Variants in SH3BP4 observed in about 807,000 individuals in gnomAD.
SH3BP4 encodes the protein SH3 domain-binding protein 4.
In SH3BP4, 33 loss-of-function variants were observed where a neutral mutation model predicts 65.5. That is an observed-to-expected ratio of 0.50 (90% CI 0.38 to 0.67). The LOEUF (loss-of-function observed/expected upper bound fraction) is 0.67. Ranked by LOEUF, SH3BP4 falls within the 30% of genes least tolerant of loss-of-function variation. The pLI is 0.00. For missense variants in SH3BP4, 1,134 were observed against 1,261.4 expected (o/e 0.90, Z 1.53); for synonymous variants, 552 against 545.5 (o/e 1.01, Z -0.17).
At chr2:235,019,873 TAAAAAAA>T (rs199714068) in intron 2 of SH3BP4, among the ~76,000 whole-genome samples, 8 of 112,602 alleles carry the variant, frequency 7.1e-5, no homozygotes, top group Admixed American at 4.7e-4. Context: ...TAAAGATTCT[TAAAAAAA>T]AAAAAAAAAA....
intron 2 of SH3BP4, 147 bp downstream of exon 2, chr2:234,995,523 G>A (rs1476595895): frequency 6.6e-6 from 1 of 152,372 alleles, no homozygotes; most frequent in Non-Finnish European, 1.5e-5. Flanking sequence ...GAAGCTTCTG[G>A]TGACACTTGA....
chr2:234,996,031 C>T (rs1015969093), intron 2 of SH3BP4: 5 of 152,220 alleles, frequency 3.3e-5, no homozygotes, highest in Non-Finnish European at 7.3e-5. Flanking sequence ...CTTTTATACT[C>T]CTGGTTGGCA....
chr2:235,005,944 G>T (rs983464379), intron 2 of SH3BP4, among the ~76,000 whole-genome samples: 1 of 152,224 alleles, frequency 6.6e-6, no homozygotes, highest in Non-Finnish European at 1.5e-5. Flanking sequence ...GCTCTTGCGT[G>T]CCCGCCTGTG....
intron 1 of SH3BP4, among the ~76,000 whole-genome samples, chr2:234,993,287 G>T (rs570420477): frequency 1.1e-4 from 16 of 152,296 alleles, no homozygotes; most frequent in African/African-American, 3.6e-4. Flanking sequence ...TTTCCTCACT[G>T]GCCCAGTAGT....
At chr2:235,003,524 C>T (rs897354935) in intron 2 of SH3BP4, among the ~76,000 whole-genome samples, 1 of 152,208 alleles carries the variant, frequency 6.6e-6, no homozygotes, top group Non-Finnish European at 1.5e-5. Context: ...ATTTTGCCAG[C>T]ACCTGTGTGT....
chr2:234,966,510 T>C (rs1692842636), intron 1 of SH3BP4, among the ~76,000 whole-genome samples: 2 of 152,256 alleles, frequency 1.3e-5, no homozygotes, highest in Non-Finnish European at 2.9e-5. Context: ...TTTGTTTCCA[T>C]TTTATGATGA....
rs889667907 is a variant in SH3BP4, at chr2:234,967,920, T to C, written c.-207+15750T>C. Among the ~76,000 whole-genome samples the C allele has an allele frequency of 6.6e-6, 1 of 152,164 alleles. No homozygotes were observed. Among genetic ancestry groups the C allele is most frequent in the Non-Finnish European group, 1.5e-5 (1 of 68,028 alleles). On this transcript the variant is annotated intron_variant, in intron 1 of 5. Coordinates refer to ENST00000392011, the MANE Select transcript of SH3BP4 (RefSeq NM_014521.3). This position sits in a 1 kb window ranked among gnomAD's most constrained non-coding sequence, Gnocchi z 4.6. Reference sequence around the variant, plus strand: ...GCTTCTCTGATTGGCCATTGTGTGTTCATCTAAGAGTTAGTGCAGGACCGG... The same window carrying C: ...GCTTCTCTGATTGGCCATTGTGTGTCCATCTAAGAGTTAGTGCAGGACCGG...
At chr2:234,963,039 C>CACG (rs1692751017) in intron 1 of SH3BP4, among the ~76,000 whole-genome samples, 1 of 152,170 alleles carries the variant, frequency 6.6e-6, no homozygotes, top group Non-Finnish European at 1.5e-5. Context: ...CGTGAGCCAC[C>CACG]ACGCCCGGCA....
Position 234,997,356 on chromosome 2 carries a change from G to A in SH3BP4, c.-133+1980G>A, listed in dbSNP as rs537952372. 4.3e-4 allele frequency among the ~76,000 whole-genome samples: 66 copies of A among 152,294 alleles called. No homozygotes were observed. The highest frequency in any genetic ancestry group is 6.0e-4 in the Non-Finnish European group (41 of 68,028). ...CATTTCCAGGCCCCGAGTTTTGTCC[G>A]TGGCAAATTTCGTGATTTGCACATA... On this transcript the variant is annotated intron_variant, in intron 2 of 5. Transcript: ENST00000392011. The surrounding 1 kb of genome is among the most constrained non-coding windows in gnomAD (Gnocchi z 4.2).
intron 2 of SH3BP4, among the ~76,000 whole-genome samples, chr2:235,018,444 C>T (rs1466128022): frequency 6.6e-6 from 1 of 152,138 alleles, no homozygotes; most frequent in Non-Finnish European, 1.5e-5. Flanking sequence ...CCCTCTTAAA[C>T]ACCAATGTTA....
chr2:234,996,033 T>C (rs1192308364), intron 2 of SH3BP4: 1 of 152,238 alleles, frequency 6.6e-6, no homozygotes, highest in Non-Finnish European at 1.5e-5. Flanking sequence ...TTTATACTCC[T>C]GGTTGGCAAT....
At chr2:234,965,625 T>C (rs1420858101) in intron 1 of SH3BP4, among the ~76,000 whole-genome samples, 3 of 152,240 alleles carry the variant, frequency 2.0e-5, no homozygotes, top group African/African-American at 7.2e-5. Context: ...TTTTTGTCAT[T>C]AGTCAAATTG....
At chr2:234,962,327 G>A (rs1387063021) in intron 1 of SH3BP4, among the ~76,000 whole-genome samples, 1 of 151,894 alleles carries the variant, frequency 6.6e-6, no homozygotes. Context: ...AGTAGAGATG[G>A]GGGTTTCACT....
chr2:235,025,599 C>T (rs189163099), intron 2 of SH3BP4, among the ~76,000 whole-genome samples: 91 of 152,292 alleles, frequency 6.0e-4, no homozygotes, highest in African/African-American at 1.9e-3. Context: ...CTGGGCACTG[C>T]GCTCAATGCT....
chr2:234,972,245 C>A (rs1245178060), intron 1 of SH3BP4, among the ~76,000 whole-genome samples: 1 of 151,574 alleles, frequency 6.6e-6, no homozygotes, highest in African/African-American at 2.4e-5. Context: ...GATTCTCATG[C>A]CTCAGCCTCC....
chr2:234,956,266 G>A (rs934514405), intron 1 of SH3BP4, among the ~76,000 whole-genome samples: 6 of 152,164 alleles, frequency 3.9e-5, no homozygotes, highest in Admixed American at 2.6e-4. Context: ...TCCTTGTCCC[G>A]TGAAAAGAGG....
At chr2:235,006,343 G>A (rs377540778) in intron 2 of SH3BP4, among the ~76,000 whole-genome samples, 2 of 152,300 alleles carry the variant, frequency 1.3e-5, no homozygotes, top group South Asian at 4.1e-4. Flanking sequence ...GGTATCATAC[G>A]CATCATGGGT....
intron 1 of SH3BP4, among the ~76,000 whole-genome samples, chr2:234,959,616 C>T (rs1418766299): frequency 1.3e-5 from 2 of 151,082 alleles, no homozygotes; most frequent in Non-Finnish European, 2.9e-5. Context: ...CCTTTGTTTA[C>T]CCATTTTCCA....
At chr2:234,981,098 G>A (rs58700240) in intron 1 of SH3BP4, among the ~76,000 whole-genome samples, 38,939 of 152,092 alleles carry the variant, frequency 0.26, 5,501 homozygotes, top group East Asian at 0.63. Flanking sequence ...ACTGCATCCC[G>A]GTTTGTCCCT....
Sources: allele counts gnomAD v4.1 joint callset (sites outside exome capture counted in the v4.1 genomes callset), GRCh38; gene constraint gnomAD v4.1.1; non-coding constraint Gnocchi (gnomAD v3.1); transcripts MANE v1.5; gene names NCBI Gene and HGNC (gene_info 2026-07-23, HGNC 2026-07-21).